MGAT5: variants seen among roughly 807,000 people sequenced by gnomAD.
MGAT5 encodes the protein alpha-1,6-mannosylglycoprotein 6-beta-N-acetylglucosaminyltransferase, also known as alpha-1,6-mannosylglycoprotein 6-beta-N-acetylglucosaminyltransferase A.
Under a neutral mutation model 94.3 loss-of-function variants are expected in MGAT5, and 30 were observed. The ratio of observed to expected loss-of-function variants is 0.32; its 90% confidence interval spans 0.24 to 0.43. The LOEUF is 0.43. Ranked by LOEUF, MGAT5 falls within the 20% of genes least tolerant of loss-of-function variation. The probability of loss-of-function intolerance (pLI) is 1.00; values close to 1 mark genes in which losing one functional copy is unlikely to be tolerated. For missense variants in MGAT5, 691 were observed against 905.5 expected, an observed-to-expected ratio of 0.76 and a Z score of 3.04; for synonymous variants, 310 against 322.9, an observed-to-expected ratio of 0.96 and a Z score of 0.43.
intron 8 of MGAT5, among the ~76,000 whole-genome samples, 199 bp from the exon 9 acceptor site, chr2:134,349,606 G>A (rs1490264592): frequency 1.3e-5 from 2 of 152,214 alleles, no homozygotes; most frequent in Non-Finnish European, 2.9e-5. Flanking sequence ...TCTGCTGTGT[G>A]ATGTCTCAGA....
chr2:134,257,410 C>T (rs950010976), intron 1 of MGAT5, among the ~76,000 whole-genome samples: 5 of 152,098 alleles, frequency 3.3e-5, no homozygotes, highest in African/African-American at 4.8e-5. Flanking sequence ...TTAGTAGATA[C>T]GGGGTTTCAC....
intron 15 of MGAT5, among the ~76,000 whole-genome samples, chr2:134,446,643 C>A (rs78405979): frequency 0.012 from 1,800 of 152,280 alleles, 34 homozygotes; most frequent in African/African-American, 0.041. Context: ...CTTCATGATT[C>A]ATGACCTTAA....
chr2:134,184,652 G>A (rs1055259940), intron 1 of MGAT5, among the ~76,000 whole-genome samples: 1 of 152,112 alleles, frequency 6.6e-6, no homozygotes, highest in African/African-American at 2.4e-5. Context: ...TTGGCACGTA[G>A]TAGAGCCTCA....
intron 2 of MGAT5, among the ~76,000 whole-genome samples, chr2:134,282,550 C>G (rs942497485): frequency 2.0e-5 from 3 of 152,218 alleles, no homozygotes; most frequent in Non-Finnish European, 4.4e-5. Context: ...TTCTACCACC[C>G]AGAGATCGAT....
chr2:134,243,498 C>T (rs1166557296), intron 1 of MGAT5, among the ~76,000 whole-genome samples: 1 of 152,216 alleles, frequency 6.6e-6, no homozygotes, highest in South Asian at 2.1e-4. Flanking sequence ...AACTAGTGAA[C>T]TTATCAGCCA....
At chr2:134,167,811 A>G (rs1448978213) in intron 1 of MGAT5, among the ~76,000 whole-genome samples, 1 of 152,232 alleles carries the variant, frequency 6.6e-6, no homozygotes, top group African/African-American at 2.4e-5. Context: ...AAAATTTTGG[A>G]TAAGCTTTGG....
At chr2:134,187,755 C>A (rs1689118532) in intron 1 of MGAT5, among the ~76,000 whole-genome samples, 1 of 152,136 alleles carries the variant, frequency 6.6e-6, no homozygotes, top group Admixed American at 6.5e-5. Context: ...AATTGAAAGG[C>A]CACCCACTGA....
At chr2:134,298,781 G>T (rs921470756) in intron 2 of MGAT5, among the ~76,000 whole-genome samples, 2 of 152,100 alleles carry the variant, frequency 1.3e-5, no homozygotes, top group African/African-American at 4.8e-5. Flanking sequence ...TAATGGTGAT[G>T]GTTGAGTGTG....
intron 4 of MGAT5, among the ~76,000 whole-genome samples, chr2:134,326,544 A>T (rs1687659375): frequency 6.6e-6 from 1 of 151,618 alleles, no homozygotes; most frequent in Admixed American, 6.6e-5. Flanking sequence ...CCTGCATACC[A>T]CCCCAGTTTC....
intron 1 of MGAT5, among the ~76,000 whole-genome samples, chr2:134,188,113 T>C (rs189751400): frequency 6.6e-6 from 1 of 152,392 alleles, no homozygotes; most frequent in African/African-American, 2.4e-5. Context: ...CCCTCAGTGC[T>C]GTGTTCTCAA....
intron 2 of MGAT5, among the ~76,000 whole-genome samples, chr2:134,315,583 T>C (rs1686952445): frequency 6.6e-6 from 1 of 152,210 alleles, no homozygotes; most frequent in Non-Finnish European, 1.5e-5. Context: ...GAAATGCTGC[T>C]TTCCCAGATA....
chr2:134,192,203 G>A (rs1447745273), intron 1 of MGAT5, among the ~76,000 whole-genome samples: 1 of 142,382 alleles, frequency 7.0e-6, no homozygotes, highest in African/African-American at 2.6e-5. Context: ...TTTTTCTTCT[G>A]CTTGCGCGAG....
At chr2:134,438,811 CTG>C (rs1685315505) in intron 14 of MGAT5, among the ~76,000 whole-genome samples, 1 of 152,208 alleles carries the variant, frequency 6.6e-6, no homozygotes, top group Non-Finnish European at 1.5e-5. Context: ...CACTCACCCA[CTG>C]TGCATCATTT....
chr2:134,255,243 G>C (rs375462119), intron 1 of MGAT5, among the ~76,000 whole-genome samples: 9 of 151,884 alleles, frequency 5.9e-5, no homozygotes, highest in Admixed American at 5.9e-4. Context: ...TTTCTTTAAA[G>C]AATTTTTTTC....
Position 134,398,786 on chromosome 2 carries a change from C to A in MGAT5, c.1381-4202C>A, listed in dbSNP as rs1682862648. On this transcript the variant is annotated intron_variant, in intron 10 of 15. Transcript: ENST00000281923. ...GTAGTTTGCAGCAATATGGATGGAG[C>A]TGGAGATCATTATGTTAAGTGAAAT... 2.0e-5 allele frequency among the ~76,000 whole-genome samples: 3 copies of A among 152,146 alleles called. No homozygotes were observed. In the South Asian group the frequency reaches 6.2e-4, roughly 32 times the overall value.
intron 1 of MGAT5, among the ~76,000 whole-genome samples, chr2:134,172,505 G>T (rs887048903): frequency 6.6e-6 from 1 of 152,048 alleles, no homozygotes; most frequent in African/African-American, 2.4e-5. Context: ...TCCTGCATCA[G>T]CCTCCCAAGT....
chr2:134,361,239 T>G, intron 9 of MGAT5, among the ~76,000 whole-genome samples: 1 of 152,232 alleles, frequency 6.6e-6, no homozygotes, highest in South Asian at 2.1e-4. Context: ...GGTGGACTTT[T>G]CAGAATCTTG....
At chr2:134,209,108 G>A (rs560350576) in intron 1 of MGAT5, among the ~76,000 whole-genome samples, 1 of 149,336 alleles carries the variant, frequency 6.7e-6, no homozygotes, top group African/African-American at 2.4e-5. Context: ...TGAGGAGGTG[G>A]ATGGGCAGAG....
intron 1 of MGAT5, among the ~76,000 whole-genome samples, chr2:134,243,151 C>T (rs530528809): frequency 1.3e-5 from 2 of 152,106 alleles, no homozygotes; most frequent in African/African-American, 4.8e-5. Context: ...GTTCTCATGC[C>T]TGGCTGTGTA....
Sources: gnomAD v4.1 joint callset for allele counts (sites outside exome capture counted in the v4.1 genomes callset) on GRCh38, gnomAD v4.1.1 for gene constraint, MANE v1.5 for transcripts, NCBI Gene and HGNC (gene_info 2026-07-23, HGNC 2026-07-21) for gene names.